Variants in THSD7A observed in about 807,000 individuals in gnomAD.
The protein encoded by THSD7A is thrombospondin type 1 domain containing 7A.
In THSD7A, 96 loss-of-function variants were observed where a neutral mutation model predicts 231.3. That is an observed-to-expected ratio of 0.41 (90% CI 0.35 to 0.49). THSD7A has a LOEUF of 0.49. THSD7A is among the 20% of genes least tolerant of loss of function. The pLI, the probability that THSD7A is intolerant of heterozygous loss-of-function variation, is 0.05. For synonymous variants in THSD7A, 940 were observed against 743.3 expected (o/e 1.26, Z -4.30); for missense variants, 2,290 against 2,070.2 (o/e 1.11, Z -2.06).
At chr7:11,399,992 T>C (rs917365542) in intron 23 of THSD7A, among the ~76,000 whole-genome samples, 67 of 152,042 alleles carry the variant, frequency 4.4e-4, no homozygotes, top group African/African-American at 1.6e-3. Flanking sequence ...TAAAAAAGGA[T>C]GAGTTCATAT....
At chr7:11,629,694 C>G (rs1007380591) in intron 2 of THSD7A, among the ~76,000 whole-genome samples, 2 of 152,140 alleles carry the variant, frequency 1.3e-5, no homozygotes, top group African/African-American at 2.4e-5. Context: ...CCCAAGACTG[C>G]GGAGAGCTGC....
At chr7:11,443,956 T>C (rs1189337043) in intron 13 of THSD7A, among the ~76,000 whole-genome samples, 5 of 151,934 alleles carry the variant, frequency 3.3e-5, no homozygotes, top group African/African-American at 1.2e-4. Flanking sequence ...TAAACAAATT[T>C]ACAAGAAAAA....
intron 14 of THSD7A, among the ~76,000 whole-genome samples, chr7:11,428,480 G>C (rs751568561): frequency 6.6e-6 from 1 of 152,018 alleles, no homozygotes; most frequent in Non-Finnish European, 1.5e-5. Context: ...CTTTTTCTCA[G>C]TTTGTTTTAT....
chr7:11,676,215 C>T (rs1242901746), intron 1 of THSD7A, among the ~76,000 whole-genome samples: 1 of 152,132 alleles, frequency 6.6e-6, no homozygotes, highest in Non-Finnish European at 1.5e-5. Context: ...AAAGCAATAG[C>T]ATCAACATCT....
At chr7:11,512,942 G>GATATATATATATATATATGTATAT (rs1787877629) in intron 6 of THSD7A, among the ~76,000 whole-genome samples, 3 of 101,974 alleles carry the variant, frequency 2.9e-5, no homozygotes, top group African/African-American at 4.6e-5. Flanking sequence ...AAGAAACTAT[G>GATATATATATATATATATGTATAT]ATATATATAT....
intron 1 of THSD7A, among the ~76,000 whole-genome samples, chr7:11,698,135 A>G (rs534079843): frequency 4.6e-5 from 7 of 151,418 alleles, no homozygotes; most frequent in African/African-American, 1.7e-4. Context: ...CAATTTGTTG[A>G]ATGTATGTAT....
intron 1 of THSD7A, among the ~76,000 whole-genome samples, chr7:11,746,501 C>G (rs6460838): frequency 0.22 from 33,281 of 151,698 alleles, 5,259 homozygotes; most frequent in African/African-American, 0.45. Context: ...CCTTGTTTTT[C>G]ATGACCTCGA....
chr7:11,717,547 G>A (rs1180035097), intron 1 of THSD7A, among the ~76,000 whole-genome samples: 1 of 151,398 alleles, frequency 6.6e-6, no homozygotes, highest in African/African-American at 2.4e-5. Context: ...TTTCTTTATT[G>A]GAACCAACCT....
chr7:11,749,835 T>A (rs1782441221), intron 1 of THSD7A, among the ~76,000 whole-genome samples: 1 of 152,004 alleles, frequency 6.6e-6, no homozygotes, highest in Non-Finnish European at 1.5e-5. Flanking sequence ...TTCAAGGGCC[T>A]CTAGGTGAGA....
intron 1 of THSD7A, among the ~76,000 whole-genome samples, chr7:11,641,778 A>G (rs557751881): frequency 1.4e-5 from 2 of 142,246 alleles, no homozygotes; most frequent in East Asian, 3.9e-4. Context: ...ATAATATAAT[A>G]AAATAAATAA....
rs144435140 is a variant in THSD7A, at chr7:11,679,558, G to A, written c.191-42597C>T. On this transcript the variant is annotated intron_variant, in intron 1 of 27. Transcript: ENST00000423059. ...CAAACAGCCCTATACACTAATAATAGACAGAGAGCCAAATCATAAGCAAAC... is the reference window on the plus strand; with the variant it reads ...CAAACAGCCCTATACACTAATAATAAACAGAGAGCCAAATCATAAGCAAAC... Among the ~76,000 whole-genome samples the A allele has an allele frequency of 5.2e-3, 781 of 150,984 alleles. 8 individuals are homozygous for A. Among genetic ancestry groups the A allele is most frequent in the African/African-American group, 0.018 (747 of 41,350 alleles).
intron 1 of THSD7A, among the ~76,000 whole-genome samples, chr7:11,732,345 C>A (rs1781764645): frequency 6.6e-6 from 1 of 151,748 alleles, no homozygotes; most frequent in African/African-American, 2.4e-5. Flanking sequence ...ATGTAAAATA[C>A]AATGATGAAA....
At chr7:11,442,955 C>T (rs879714616) in intron 13 of THSD7A, among the ~76,000 whole-genome samples, 1 of 152,012 alleles carries the variant, frequency 6.6e-6, no homozygotes, top group Non-Finnish European at 1.5e-5. Context: ...ATTCTTCATG[C>T]TGTGAGTTGA....
intron 2 of THSD7A, among the ~76,000 whole-genome samples, chr7:11,603,028 G>C (rs4642537): frequency 6.7e-6 from 1 of 149,278 alleles, no homozygotes; most frequent in African/African-American, 2.5e-5. Flanking sequence ...TTGACAAATG[G>C]GATCTAATTA....
At chr7:11,721,672 A>C (rs1408190431) in intron 1 of THSD7A, among the ~76,000 whole-genome samples, 1 of 151,836 alleles carries the variant, frequency 6.6e-6, no homozygotes, top group Non-Finnish European at 1.5e-5. Flanking sequence ...ACTCTTTCTT[A>C]CACCTAGTAT....
rs370526546 is a variant in THSD7A at position 11,636,612 on chromosome 7, C to T, written c.540G>A (p.Lys180=). ...EDIICEYFEP[K]PLLEQACLIP... is the part of the protein sequence containing the mutation. Reference sequence around the variant, plus strand: ...TGAGGCAAGCCTGCTCCAGGAGAGGCTTGGGCTCAAAGTACTCACAGATGA... The same window carrying T: ...TGAGGCAAGCCTGCTCCAGGAGAGGTTTGGGCTCAAAGTACTCACAGATGA... The change falls in exon 2 of 28, where the codon AAG becomes AAA. Residue 180 remains lysine (K), a synonymous_variant. Transcript: ENST00000423059. This position sits in a 1 kb window ranked among gnomAD's most constrained non-coding sequence, Gnocchi z 10.0. The T allele has an allele frequency of 6.2e-7, 1 of 1,613,888 alleles. No homozygotes were observed. Among genetic ancestry groups the T allele is most frequent in the Non-Finnish European group, 8.5e-7 (1 of 1,179,910 alleles).
intron 1 of THSD7A, among the ~76,000 whole-genome samples, chr7:11,821,611 CT>C (rs1037244425): frequency 6.6e-6 from 1 of 152,120 alleles, no homozygotes; most frequent in Non-Finnish European, 1.5e-5. Context: ...AAATATCTCA[CT>C]TTTTCCCCAA....
chr7:11,562,619 G>C (rs1257538257), intron 4 of THSD7A, among the ~76,000 whole-genome samples: 1 of 151,998 alleles, frequency 6.6e-6, no homozygotes, highest in African/African-American at 2.4e-5. Flanking sequence ...TTTCTGTATA[G>C]GAACTGACAA....
Position 11,578,622 on chromosome 7 carries a change from A to G in THSD7A, c.1453+11838T>C, listed in dbSNP as rs184649448. 3.3e-3 allele frequency among the ~76,000 whole-genome samples: 508 copies of G among 152,340 alleles called. 2 individuals carry two copies. Among genetic ancestry groups the G allele is most frequent in the African/African-American group, 0.012 (490 of 41,580 alleles). Reference sequence around the variant, plus strand: ...ATATAATCATATGAAATCAAATGGCAAATCAAGAAATATAGCAGAAAAGGG... The same window carrying G: ...ATATAATCATATGAAATCAAATGGCGAATCAAGAAATATAGCAGAAAAGGG... On this transcript the variant is annotated intron_variant, in intron 4 of 27. Transcript: ENST00000423059.
Sources: gnomAD v4.1 joint callset for allele counts (sites outside exome capture counted in the v4.1 genomes callset) on GRCh38, gnomAD v4.1.1 for gene constraint, Gnocchi (gnomAD v3.1) non-coding constraint, MANE v1.5 for transcripts, NCBI Gene and HGNC (gene_info 2026-07-23, HGNC 2026-07-21) for gene names.